The following PRR5 variants were observed in gnomAD, a reference collection of about 807,000 sequenced individuals.
PRR5 encodes proline rich 5.
In PRR5, 25 loss-of-function variants were observed where a neutral mutation model predicts 30.6. The ratio of observed to expected loss-of-function variants is 0.82; its 90% CI spans 0.60 to 1.14. The LOEUF is 1.14. Ranked by LOEUF, PRR5 falls within the 50% of genes most tolerant of loss-of-function variation. The pLI is 0.00. For missense variants in PRR5, 600 were observed against 547.1 expected, an observed-to-expected ratio of 1.10 and a Z score of -0.96; for synonymous variants, 286 against 247.1, an observed-to-expected ratio of 1.16 and a Z score of -1.48.
At chr22:44,720,686 C>T (rs1449769042) in intron 2 of PRR5, among the ~76,000 whole-genome samples, 1 of 152,226 alleles carries the variant, frequency 6.6e-6, no homozygotes. Flanking sequence ...TCATCCTCAG[C>T]CTGTGGTCAG....
intron 1 of PRR5, among the ~76,000 whole-genome samples, chr22:44,680,663 G>A (rs1481083795): frequency 6.6e-6 from 1 of 152,198 alleles, no homozygotes; most frequent in Non-Finnish European, 1.5e-5. Flanking sequence ...AGGTGGGCTG[G>A]GACGTCTCTC....
upstream of PRR5, among the ~76,000 whole-genome samples, chr22:44,698,110 C>T (rs1925925862): frequency 6.6e-6 from 1 of 152,158 alleles, no homozygotes; most frequent in African/African-American, 2.4e-5. Flanking sequence ...GATTGCAGGC[C>T]CTTCAGAAGG....
chr22:44,676,567 G>T (rs866004166), upstream of PRR5, among the ~76,000 whole-genome samples: 15 of 152,086 alleles, frequency 9.9e-5, no homozygotes, highest in African/African-American at 3.4e-4. Flanking sequence ...CCAGCAGGAT[G>T]GGGGGTTCGA....
At chr22:44,701,469 A>C (rs1280307423), upstream of PRR5, among the ~76,000 whole-genome samples, 1 of 152,258 alleles carries the variant, frequency 6.6e-6, no homozygotes, top group South Asian at 2.1e-4. Flanking sequence ...ATGTTAGTTC[A>C]TGTGAAATCA....
chr22:44,688,410 T>C (rs1334092220), intron 1 of PRR5, among the ~76,000 whole-genome samples: 2 of 152,132 alleles, frequency 1.3e-5, no homozygotes, highest in African/African-American at 4.8e-5. Context: ...TCCTGCAATG[T>C]TACTATTATA....
chr22:44,731,927 TCTGCTCTGTG>T (rs936184858), intron 5 of PRR5, 106 bp downstream of exon 5: 202 of 1,006,942 alleles, frequency 2.0e-4, no homozygotes, highest in South Asian at 7.0e-4. Context: ...ACACACCTGC[TCTGCTCTGTG>T]CTGCTCTCCT....
chr22:44,732,092 G>A (rs1476812892), intron 5 of PRR5, among the ~76,000 whole-genome samples, 159 bp from the exon 6 acceptor site: 1 of 152,240 alleles, frequency 6.6e-6, no homozygotes, highest in African/African-American at 2.4e-5. Context: ...GAAACTGAAG[G>A]GGCCCTCTAT....
Position 44,729,797 on chromosome 22 carries a change from C to T in PRR5, c.323-1933C>T, listed in dbSNP as rs540625223. 25 of 985,484 alleles carry T rather than the reference C, an allele frequency of 2.5e-5. No homozygotes were observed. The South Asian group carries it at 4.7e-4, about 19-fold the overall frequency. The allele number at this position is 985,484 out of a possible 1,614,324, so 61.0% of individuals were successfully genotyped here. A position where few individuals can be genotyped will look rare whatever the true frequency, so the allele number is the denominator to read the frequency against. On this transcript the variant is annotated intron_variant, in intron 4 of 7. Coordinates refer to ENST00000336985, the MANE Select transcript of PRR5 (RefSeq NM_181333.4). Reference sequence around the variant, plus strand: ...CAACATCTGCTTTCCGCAGCATTTCCGCCCCGTGGGCTGGAGAACAGCCTG... The same window carrying T: ...CAACATCTGCTTTCCGCAGCATTTCTGCCCCGTGGGCTGGAGAACAGCCTG...
At chr22:44,672,716 C>T (rs136914), upstream of PRR5, among the ~76,000 whole-genome samples, 81,080 of 152,064 alleles carry the variant, frequency 0.53, 21,906 homozygotes, top group East Asian at 0.69. Context: ...GCCTGCCATC[C>T]TCTGAGCTCC....
intron 1 of PRR5, among the ~76,000 whole-genome samples, chr22:44,688,454 TAAG>T (rs1924954154): frequency 6.6e-6 from 1 of 152,146 alleles, no homozygotes; most frequent in Non-Finnish European, 1.5e-5. Flanking sequence ...GCATAATAGT[TAAG>T]AACACGGACG....
In PRR5 at chr22:44,737,595, A is replaced by G. The variant is rs570837828; in HGVS notation, c.*348A>G. ...TGGGCTCTGCCCACGCCGGGCCCCAAAGTGACCAGACTCCAGCACACCTGT... is the reference window on the plus strand; with the variant it reads ...TGGGCTCTGCCCACGCCGGGCCCCAGAGTGACCAGACTCCAGCACACCTGT... On this transcript the variant is annotated 3_prime_UTR_variant, in exon 8 of 8. Transcript: ENST00000336985. 1.4e-4 allele frequency: 36 copies of G among 250,888 alleles called. No individual in the cohort carries two copies. In the East Asian group the frequency reaches 2.4e-3, roughly 17 times the overall value. The allele number at this position is 250,888 out of a possible 1,614,324, so 15.5% of individuals were successfully genotyped here. A position where few individuals can be genotyped will look rare whatever the true frequency, so the allele number is the denominator to read the frequency against.
upstream of PRR5, among the ~76,000 whole-genome samples, chr22:44,673,589 G>A (rs116751110): frequency 9.2e-3 from 1,402 of 152,238 alleles, 23 homozygotes; most frequent in African/African-American, 0.031. Flanking sequence ...AAAGCCATCC[G>A]TTGTGGCCAC....
chr22:44,708,761 G>C lies in PRR5; in HGVS notation c.135-5830G>C, dbSNP rs144342783. 4.9e-3 allele frequency among the ~76,000 whole-genome samples: 744 copies of C among 152,194 alleles called. 8 individuals carry two copies. The highest frequency in any genetic ancestry group is 0.017 in the African/African-American group (725 of 41,532). On this transcript the variant is annotated intron_variant, in intron 1 of 7. Coordinates refer to ENST00000336985, the MANE Select transcript of PRR5 (RefSeq NM_181333.4). ...CCAGGTGGATCATCTGAGGTCAGGA[G>C]TTCAAGACCAGCCTGGCCAACATGG...
intron 1 of PRR5, chr22:44,679,736 A>G: frequency 7.3e-7 from 1 of 1,363,928 alleles, no homozygotes; most frequent in Non-Finnish European, 1.0e-6. Context: ...TAATAGTAAG[A>G]CTCAGCCTCC....
chr22:44,704,965 C>T lies in PRR5; in HGVS notation c.134+2357C>T, dbSNP rs529612721. Among the ~76,000 whole-genome samples, 7 of 152,288 alleles carry T rather than the reference C, an allele frequency of 4.6e-5. No homozygotes were observed. In the South Asian group the frequency reaches 1.5e-3, roughly 32 times the overall value. On this transcript the variant is annotated intron_variant, in intron 1 of 7. Coordinates refer to ENST00000336985, the MANE Select transcript of PRR5 (RefSeq NM_181333.4). ...CTCCTAGCGGTGCTCCCTGCCAGGGCCCCCTAGGACAACAGATCTGTGCAG... is the reference window on the plus strand; with the variant it reads ...CTCCTAGCGGTGCTCCCTGCCAGGGTCCCCTAGGACAACAGATCTGTGCAG...
At chr22:44,732,844 GCACA>G (rs132399) in intron 6 of PRR5, among the ~76,000 whole-genome samples, 20 of 123,094 alleles carry the variant, frequency 1.6e-4, no homozygotes, top group Non-Finnish European at 4.8e-5. Flanking sequence ...CTACACACGT[GCACA>G]CACGTGCACA....
At chr22:44,710,129 C>G (rs1362257046) in intron 1 of PRR5, among the ~76,000 whole-genome samples, 5 of 152,124 alleles carry the variant, frequency 3.3e-5, no homozygotes, top group African/African-American at 9.7e-5. Flanking sequence ...CGGCACTGTC[C>G]TCCCCCATGG....
chr22:44,685,075 C>T (rs1195442741), intron 1 of PRR5, among the ~76,000 whole-genome samples: 1 of 152,236 alleles, frequency 6.6e-6, no homozygotes, highest in Non-Finnish European at 1.5e-5. Flanking sequence ...ACTCACCCTA[C>T]AACCCGGGCA....
At chr22:44,702,152 GCCCCCC>G, upstream of PRR5, 1 of 237,824 alleles carries the variant, frequency 4.2e-6, no homozygotes, top group Non-Finnish European at 7.0e-6. Context: ...TCCCCGCCCC[GCCCCCC>G]GGGGCGCCGA....
Sources: gnomAD v4.1 joint callset for allele counts (sites outside exome capture counted in the v4.1 genomes callset) on GRCh38, gnomAD v4.1.1 for gene constraint, MANE v1.5 for transcripts, NCBI Gene and HGNC (gene_info 2026-07-23, HGNC 2026-07-21) for gene names.